Variants in VPS13A observed in about 807,000 individuals in gnomAD.
VPS13A encodes intermembrane lipid transfer protein VPS13A.
Under a neutral mutation model 390.9 loss-of-function variants are expected in VPS13A, and 264 were observed. The observed-to-expected ratio is 0.68, with a 90% CI of 0.61 to 0.75. The LOEUF (loss-of-function observed/expected upper bound fraction) is 0.75, where lower values mean the gene tolerates loss of function less well. VPS13A is among the 30% of genes least tolerant of loss of function. VPS13A has a pLI of 0.00. For synonymous variants in VPS13A, 1,231 were observed against 1,227.1 expected (o/e 1.00, Z -0.07); for missense variants, 3,409 against 3,733.9 (o/e 0.91, Z 2.27).
At chr9:77,189,483 A>G (rs975617639) in intron 1 of VPS13A, among the ~76,000 whole-genome samples, 2 of 151,978 alleles carry the variant, frequency 1.3e-5, no homozygotes, top group Admixed American at 6.6e-5. Flanking sequence ...TATCAGTGCC[A>G]TGTTGTTTTG....
chr9:77,320,356 A>G (rs1343024948), intron 42 of VPS13A, among the ~76,000 whole-genome samples: 1 of 152,096 alleles, frequency 6.6e-6, no homozygotes, highest in East Asian at 1.9e-4. Context: ...CATCCTTTGG[A>G]TGTTTGCATG....
chr9:77,215,013 G>T (rs890096937), intron 10 of VPS13A, among the ~76,000 whole-genome samples: 3 of 152,052 alleles, frequency 2.0e-5, no homozygotes, highest in East Asian at 1.9e-4. Context: ...CAATCTGCCC[G>T]CCTCGGCCTT....
chr9:77,384,247 A>G (rs1490136588), intron 68 of VPS13A, among the ~76,000 whole-genome samples: 1 of 151,822 alleles, frequency 6.6e-6, no homozygotes, highest in Non-Finnish European at 1.5e-5. Flanking sequence ...TTTATTGTGT[A>G]CCTTTCTATC....
intron 68 of VPS13A, among the ~76,000 whole-genome samples, chr9:77,395,169 C>T (rs887675794): frequency 3.3e-5 from 5 of 152,144 alleles, no homozygotes; most frequent in African/African-American, 9.7e-5. Flanking sequence ...TAAGCTTGGT[C>T]GTTTCTAGCT....
chr9:77,368,789 T>C (rs1312117937), intron 62 of VPS13A, among the ~76,000 whole-genome samples: 1 of 152,220 alleles, frequency 6.6e-6, no homozygotes, highest in East Asian at 1.9e-4. Context: ...GAATATAATG[T>C]CATATTATTT....
chr9:77,250,036 C>T (rs1825066792), intron 20 of VPS13A, 61 bp from the exon 21 acceptor site: 2 of 1,564,806 alleles, frequency 1.3e-6, no homozygotes, highest in Middle Eastern at 2.0e-4. Context: ...AAAAATTAAA[C>T]ACTTTATACT....
intron 10 of VPS13A, among the ~76,000 whole-genome samples, chr9:77,217,439 T>G (rs1188014918): frequency 6.6e-6 from 1 of 152,202 alleles, no homozygotes; most frequent in Non-Finnish European, 1.5e-5. Context: ...CATTAAGTAA[T>G]TTCTTATCAT....
intron 10 of VPS13A, among the ~76,000 whole-genome samples, chr9:77,215,779 A>G (rs1352403762): frequency 6.6e-6 from 1 of 152,222 alleles, no homozygotes; most frequent in African/African-American, 2.4e-5. Flanking sequence ...ATGGCAGGAA[A>G]TTATCTGTGG....
intron 46 of VPS13A, among the ~76,000 whole-genome samples, chr9:77,333,610 G>A (rs572949551): frequency 1.6e-3 from 238 of 151,728 alleles, no homozygotes; most frequent in Non-Finnish European, 2.6e-3. Context: ...GACAGGGTTT[G>A]TCCATTTTGG....
Position 77,276,207 on chromosome 9 carries a change from G to A in VPS13A, c.2810G>A (p.Cys937Tyr). The A allele has an allele frequency of 6.2e-7, 1 of 1,606,634 alleles. No individual in the cohort carries two copies. The highest frequency in any genetic ancestry group is 1.1e-5 in the South Asian group (1 of 88,536). ...NAFLKEFCLK[C>Y]PEYLDENKKP... ...TTTTTGAAAGAGTTCTGCTTAAAAT[G>A]CCCAGAATACTTGGGTAAGAATCTC... The change falls in exon 26 of 72, where the codon TGC becomes TAC. Residue 937 changes from cysteine to tyrosine, a missense_variant. Physicochemically the swap from Cys to Tyr is radical, Grantham distance 194 (BLOSUM62 -2). Transcript: ENST00000360280.
chr9:77,273,394 C>A, intron 24 of VPS13A, 30 bp downstream of exon 24: 1 of 1,519,628 alleles, frequency 6.6e-7, no homozygotes, highest in Non-Finnish European at 9.0e-7. Context: ...GGATATTTTT[C>A]TTATTTTATT....
chr9:77,263,143 G>A (rs2131300909), intron 23 of VPS13A, among the ~76,000 whole-genome samples: 1 of 134,652 alleles, frequency 7.4e-6, no homozygotes, highest in South Asian at 2.4e-4. Flanking sequence ...GTCTCGCTTT[G>A]TCGCCCAGCC....
intron 1 of VPS13A, among the ~76,000 whole-genome samples, chr9:77,180,247 C>T (rs1395529411): frequency 6.6e-6 from 1 of 152,178 alleles, no homozygotes; most frequent in African/African-American, 2.4e-5. Context: ...AGTGGAATTG[C>T]TGGGTCATAT....
intron 23 of VPS13A, among the ~76,000 whole-genome samples, chr9:77,261,479 A>G (rs940387672): frequency 2.6e-5 from 4 of 151,612 alleles, no homozygotes; most frequent in African/African-American, 7.3e-5. Context: ...ATGTGTGTAT[A>G]TATATATTTG....
chr9:77,207,242 T>TAC (rs1825714198), intron 5 of VPS13A, among the ~76,000 whole-genome samples: 2 of 110,802 alleles, frequency 1.8e-5, no homozygotes, highest in South Asian at 2.7e-4. Flanking sequence ...TATATATATA[T>TAC]ATATATATAT....
intron 10 of VPS13A, among the ~76,000 whole-genome samples, chr9:77,217,076 A>G (rs754578256): frequency 1.3e-5 from 2 of 152,194 alleles, no homozygotes; most frequent in African/African-American, 4.8e-5. Context: ...GCATCTTTCA[A>G]TACAATTGAG....
intron 1 of VPS13A, among the ~76,000 whole-genome samples, chr9:77,185,999 G>A (rs1282056950): frequency 1.3e-5 from 2 of 152,114 alleles, no homozygotes; most frequent in Non-Finnish European, 1.5e-5. Flanking sequence ...ATGGTAATGT[G>A]CGCCTGTAGT....
chr9:77,371,683 T>A (rs990104020), intron 67 of VPS13A, among the ~76,000 whole-genome samples: 5 of 151,738 alleles, frequency 3.3e-5, no homozygotes, highest in African/African-American at 1.2e-4. Context: ...ATACTTTAAG[T>A]TTTAGGGTAC....
chr9:77,335,353 A>T (rs891935668), intron 46 of VPS13A, among the ~76,000 whole-genome samples: 8 of 152,206 alleles, frequency 5.3e-5, no homozygotes, highest in Admixed American at 5.2e-4. Flanking sequence ...CAAAATTGAC[A>T]AATGGGATCT....
Sources: gnomAD v4.1 joint callset for allele counts (sites outside exome capture counted in the v4.1 genomes callset) on GRCh38, gnomAD v4.1.1 for gene constraint, MANE v1.5 for transcripts, NCBI Gene and HGNC (gene_info 2026-07-23, HGNC 2026-07-21) for gene names.